Variants in MAP3K9 observed in about 807,000 individuals in gnomAD.
The protein encoded by MAP3K9 is mitogen-activated protein kinase kinase kinase 9.
In MAP3K9, 46 loss-of-function variants were observed where a neutral mutation model predicts 95.8. The ratio of observed to expected loss-of-function variants is 0.48; its 90% CI spans 0.38 to 0.61. The LOEUF (loss-of-function observed/expected upper bound fraction) is 0.61, where lower values mean the gene tolerates loss of function less well. Among genes scored for constraint, MAP3K9 ranks in the 20% least tolerant of loss-of-function variants. MAP3K9 has a pLI of 0.00. For missense variants in MAP3K9, 1,296 were observed against 1,474.3 expected (o/e 0.88, Z 1.98); for synonymous variants, 533 against 593.8 (o/e 0.90, Z 1.49).
At chr14:70,765,475 C>T (rs953252453) in intron 2 of MAP3K9, 1 of 694,826 alleles carries the variant, frequency 1.4e-6, no homozygotes, top group Non-Finnish European at 2.6e-6. Flanking sequence ...AGCTCCATTT[C>T]ATGGTGAGTG....
At chr14:70,777,079 C>A (rs942867901) in intron 2 of MAP3K9, among the ~76,000 whole-genome samples, 1 of 151,824 alleles carries the variant, frequency 6.6e-6, no homozygotes, top group African/African-American at 2.4e-5. Flanking sequence ...GATCTGCCTA[C>A]CTCGGCCTCC....
chr14:70,791,107 G>A lies in MAP3K9; in HGVS notation c.820+9560C>T, dbSNP rs572576532. On this transcript the variant is annotated intron_variant, in intron 2 of 11. Transcript: ENST00000554752. ...TGGGGAAGGGAAGATACAATAAAAT[G>A]TATTACTTACTTTCAAGGCAATAGT... Among the ~76,000 whole-genome samples the A allele has an allele frequency of 2.6e-5, 4 of 152,298 alleles. No individual in the cohort carries two copies. In the South Asian group the frequency reaches 8.3e-4, roughly 32 times the overall value.
Position 70,727,398 on chromosome 14 carries a change from A to C in MAP3K9, c.*2982T>G, listed in dbSNP as rs995619740. ...AATCCAAGAAGCAGGGGCAGAGAGCAGTATCTGTTCCTATTACCATCTTCC... is the reference window on the plus strand; with the variant it reads ...AATCCAAGAAGCAGGGGCAGAGAGCCGTATCTGTTCCTATTACCATCTTCC... On this transcript the variant is annotated 3_prime_UTR_variant, in exon 12 of 12. Coordinates refer to ENST00000554752, the MANE Select transcript of MAP3K9 (RefSeq NM_001284230.2). 1.3e-5 allele frequency: 2 copies of C among 152,288 alleles called. No individual in the cohort carries two copies. Among genetic ancestry groups the C allele is most frequent in the Non-Finnish European group, 1.5e-5 (1 of 68,094 alleles). 9.4% of individuals were successfully genotyped at this position (152,288 alleles called of 1,614,324 possible).
chr14:70,765,910 C>T (rs750919259), intron 2 of MAP3K9, among the ~76,000 whole-genome samples: 1 of 151,978 alleles, frequency 6.6e-6, no homozygotes, highest in Non-Finnish European at 1.5e-5. Context: ...GAATGTATCC[C>T]TGCCATTAAG....
chr14:70,808,676 C>A, intron 1 of MAP3K9, 90 bp downstream of exon 1: 2 of 190,386 alleles, frequency 1.1e-5, no homozygotes, highest in African/African-American at 2.8e-5. Context: ...CCGCCCTCAT[C>A]CCAGCCCTCG....
At chr14:70,806,569 T>C (rs2054992227) in intron 1 of MAP3K9, among the ~76,000 whole-genome samples, 1 of 152,216 alleles carries the variant, frequency 6.6e-6, no homozygotes, top group Non-Finnish European at 1.5e-5. Context: ...GGGTTCCAGA[T>C]TTAGGAATCC....
intron 7 of MAP3K9, 74 bp from the exon 8 acceptor site, chr14:70,738,472 CCACA>C: frequency 2.5e-5 from 31 of 1,236,764 alleles, no homozygotes; most frequent in Non-Finnish European, 3.1e-5. Flanking sequence ...CTCTATACCA[CCACA>C]CACACACACA....
At position 70,734,400 on chromosome 14, in the gene MAP3K9, C is replaced by G. The variant is rs200983878; in HGVS notation, c.2012G>C (p.Ser671Thr). 1.2e-6 allele frequency: 2 copies of G among 1,613,580 alleles called. No homozygotes were observed. Among genetic ancestry groups the G allele is most frequent in the Non-Finnish European group, 1.7e-6 (2 of 1,179,462 alleles). The change falls in exon 10 of 12, where the codon AGC (serine) becomes ACC (threonine). Residue 671 changes from serine (S) to threonine (T), a missense_variant. Ser to Thr is a moderately conservative substitution (Grantham distance 58, BLOSUM62 1). Coordinates refer to ENST00000554752, the MANE Select transcript of MAP3K9 (RefSeq NM_001284230.2). ...RSSPALPGFTSLMEMEDEDSE... is the reference protein window; with the variant it reads ...RSSPALPGFTTLMEMEDEDSE... Reference sequence around the variant, plus strand: ...GCTATGCTTACCCATCTCCATAAGGCTGGTGAACCCTGGCAGGGCCGGGCT... The same window carrying G: ...GCTATGCTTACCCATCTCCATAAGGGTGGTGAACCCTGGCAGGGCCGGGCT...
At chr14:70,761,761 G>A (rs2054378809) in intron 2 of MAP3K9, among the ~76,000 whole-genome samples, 1 of 151,808 alleles carries the variant, frequency 6.6e-6, no homozygotes, top group Non-Finnish European at 1.5e-5. Flanking sequence ...TTTTTTTTGG[G>A]CTGAAATCCA....
intron 2 of MAP3K9, among the ~76,000 whole-genome samples, chr14:70,782,780 T>A (rs749870279): frequency 2.6e-5 from 4 of 152,194 alleles, no homozygotes; most frequent in African/African-American, 9.7e-5. Flanking sequence ...CTTCCTAGCA[T>A]CTTCCTAGTC....
rs181599025 is a variant in MAP3K9 at position 70,783,267 on chromosome 14, T to G, written c.820+17400A>C. 6.5e-5 allele frequency: 64 copies of G among 985,018 alleles called. No individual in the cohort carries two copies. In the East Asian group the frequency reaches 6.0e-3, roughly 93 times the overall value. The allele number at this position is 985,018 out of a possible 1,614,324, so 61.0% of individuals were successfully genotyped here. ...GTACTGTGTCCAAACAACGGTAAGGTGGGAAGGAAGACGGCATCCTAAAGT... is the reference window on the plus strand; with the variant it reads ...GTACTGTGTCCAAACAACGGTAAGGGGGGAAGGAAGACGGCATCCTAAAGT... On this transcript the variant is annotated intron_variant, in intron 2 of 11. Coordinates refer to ENST00000554752, the MANE Select transcript of MAP3K9 (RefSeq NM_001284230.2).
At chr14:70,768,581 A>ATTCAATG (rs2054489308) in intron 2 of MAP3K9, among the ~76,000 whole-genome samples, 1 of 152,150 alleles carries the variant, frequency 6.6e-6, no homozygotes, top group East Asian at 1.9e-4. Flanking sequence ...TTTCTTTGGG[A>ATTCAATG]TTCAATGTTG....
At chr14:70,747,342 T>C (rs143700475) in intron 5 of MAP3K9, among the ~76,000 whole-genome samples, 43 of 152,328 alleles carry the variant, frequency 2.8e-4, no homozygotes, top group African/African-American at 1.0e-3. Context: ...TACAAGGGGC[T>C]TCTCCCTTTG....
chr14:70,754,511 GC>G (rs1308748373), intron 3 of MAP3K9, among the ~76,000 whole-genome samples: 1 of 151,998 alleles, frequency 6.6e-6, no homozygotes, highest in African/African-American at 2.4e-5. Flanking sequence ...TTGCTCTGTC[GC>G]CCAGGCTGGA....
intron 3 of MAP3K9, among the ~76,000 whole-genome samples, chr14:70,750,514 TCGCTCG>T (rs2054210875): frequency 6.6e-6 from 1 of 152,200 alleles, no homozygotes. Context: ...GGATGGAGTT[TCGCTCG>T]GTTGCTCAGG....
rs1594760761 is a variant in MAP3K9, at chr14:70,730,960, C to T, written c.2831-96G>A. 2.3e-6 allele frequency: 3 copies of T among 1,307,274 alleles called. No homozygotes were observed. In the East Asian group the frequency reaches 7.1e-5, roughly 31 times the overall value. The allele number at this position is 1,307,274 out of a possible 1,614,324, so 81.0% of individuals were successfully genotyped here. The stretch of plus-strand genomic sequence containing the variant: ...CCCCCAACACCACCATATCCCTACG[C>T]AATCAGGAGAACATGAATCACCAAA... On this transcript the variant is annotated intron_variant, in intron 11 of 11. Coordinates refer to ENST00000554752, the MANE Select transcript of MAP3K9 (RefSeq NM_001284230.2).
chr14:70,767,255 A>C (rs1249173376), intron 2 of MAP3K9, among the ~76,000 whole-genome samples: 2 of 151,866 alleles, frequency 1.3e-5, no homozygotes, highest in Non-Finnish European at 2.9e-5. Flanking sequence ...ATGGTGGCAC[A>C]CACTTGTAGT....
chr14:70,724,967 C>T lies in MAP3K9; in HGVS notation c.*5413G>A, dbSNP rs2053800671. The T allele has an allele frequency of 6.6e-6, 1 of 152,238 alleles. No homozygotes were observed. Among genetic ancestry groups the T allele is most frequent in the Admixed American group, 6.5e-5 (1 of 15,284 alleles). 9.4% of individuals were successfully genotyped at this position (152,238 alleles called of 1,614,324 possible). On this transcript the variant is annotated 3_prime_UTR_variant, in exon 12 of 12. Transcript: ENST00000554752. ...ACCTGTCATGTCCACATCTGCCAAT[C>T]AGCCTAGTAAAACTAGGTGATGAGT...
chr14:70,797,075 T>G (rs565323067), intron 2 of MAP3K9, among the ~76,000 whole-genome samples: 1 of 152,314 alleles, frequency 6.6e-6, no homozygotes, highest in African/African-American at 2.4e-5. Flanking sequence ...TAAAACATTT[T>G]AATAAGACAC....
Sources: gnomAD v4.1 joint callset for allele counts (sites outside exome capture counted in the v4.1 genomes callset) on GRCh38, gnomAD v4.1.1 for gene constraint, MANE v1.5 for transcripts, NCBI Gene and HGNC (gene_info 2026-07-23, HGNC 2026-07-21) for gene names.